Variants in DOK5 observed in about 807,000 individuals in gnomAD.
The protein encoded by DOK5 is downstream of tyrosine kinase 5.
A neutral mutation model predicts 43.3 loss-of-function variants in DOK5; 27 were observed. That is an observed-to-expected ratio of 0.62 (90% confidence interval 0.46 to 0.86). The LOEUF (loss-of-function observed/expected upper bound fraction) is 0.86, where lower values mean the gene tolerates loss of function less well. Among genes scored for constraint, DOK5 ranks in the 40% least tolerant of loss-of-function variants. DOK5 has a pLI of 0.00. For missense variants in DOK5, 373 were observed against 392.9 expected, an observed-to-expected ratio of 0.95 and a Z score of 0.43; for synonymous variants, 146 against 140.1, an observed-to-expected ratio of 1.04 and a Z score of -0.30.
At position 54,650,528 on chromosome 20, in the gene DOK5, A is replaced by T. The variant is rs763393546; in HGVS notation, c.*49A>T. On this transcript the variant is annotated 3_prime_UTR_variant, in exon 8 of 8. Transcript: ENST00000262593. ...CACACTTGTGATGTGTCAGCCACAG[A>T]TTCACCCAGGAGGTCACAGAATGAC... is the stretch of plus-strand genomic sequence containing the variant. The T allele has an allele frequency of 6.4e-7, 1 of 1,573,354 alleles. No homozygotes were observed. Among genetic ancestry groups the T allele is most frequent in the East Asian group, 2.2e-5 (1 of 44,532 alleles).
At chr20:54,518,623 C>G (rs1176439039) in intron 1 of DOK5, among the ~76,000 whole-genome samples, 5 of 152,120 alleles carry the variant, frequency 3.3e-5, no homozygotes, top group Non-Finnish European at 7.3e-5. Context: ...GCTTTATAAT[C>G]CTTTGGGTAT....
chr20:54,566,105 C>T (rs1985089319), intron 2 of DOK5, among the ~76,000 whole-genome samples: 1 of 151,274 alleles, frequency 6.6e-6, no homozygotes, highest in Admixed American at 6.6e-5. Context: ...GTCCTCCCAC[C>T]CCACCACCCC....
chr20:54,527,515 T>C (rs1410297425), intron 1 of DOK5, among the ~76,000 whole-genome samples: 2 of 152,202 alleles, frequency 1.3e-5, no homozygotes, highest in African/African-American at 2.4e-5. Context: ...AGGTGATACA[T>C]GCTTCAGTTC....
intron 2 of DOK5, among the ~76,000 whole-genome samples, chr20:54,585,098 A>G (rs1248806739): frequency 2.0e-5 from 3 of 152,090 alleles, no homozygotes; most frequent in African/African-American, 7.2e-5. Context: ...GTATTGAGGA[A>G]GTTTCCATTA....
intron 6 of DOK5, among the ~76,000 whole-genome samples, chr20:54,619,824 G>A (rs903487483): frequency 2.0e-5 from 3 of 152,192 alleles, no homozygotes; most frequent in African/African-American, 7.2e-5. Flanking sequence ...AACGCAATAT[G>A]CTACACATTT....
intron 1 of DOK5, among the ~76,000 whole-genome samples, chr20:54,481,891 G>C (rs934833936): frequency 6.6e-6 from 1 of 152,178 alleles, no homozygotes; most frequent in African/African-American, 2.4e-5. Flanking sequence ...ATCATAAAGA[G>C]CTTAACACAG....
intron 4 of DOK5, among the ~76,000 whole-genome samples, chr20:54,589,051 T>A (rs979307324): frequency 6.6e-6 from 1 of 152,232 alleles, no homozygotes; most frequent in Non-Finnish European, 1.5e-5. Flanking sequence ...GGGAACCTGC[T>A]ATGTGCCAGT....
intron 1 of DOK5, among the ~76,000 whole-genome samples, chr20:54,521,186 C>CT (rs1022011743): frequency 3.9e-5 from 6 of 152,134 alleles, no homozygotes; most frequent in African/African-American, 1.4e-4. Context: ...CTGTGGTATC[C>CT]TTTTTTTAAT....
At chr20:54,555,275 C>T (rs1005913273) in intron 2 of DOK5, 10 of 455,698 alleles carry the variant, frequency 2.2e-5, no homozygotes, top group African/African-American at 1.8e-4. Flanking sequence ...TTTCCAGTCT[C>T]TGCTATGGGA....
chr20:54,629,863 C>T (rs1978481383), intron 6 of DOK5, among the ~76,000 whole-genome samples: 1 of 152,210 alleles, frequency 6.6e-6, no homozygotes, highest in African/African-American at 2.4e-5. Flanking sequence ...AGTGCCAAAG[C>T]CCTGAGGCAG....
Position 54,475,923 on chromosome 20 carries a change from AGGG to A in DOK5, c.-19_-17del. 6.2e-7 allele frequency: 1 copy of A among 1,612,126 alleles called. No individual in the cohort carries two copies. Among genetic ancestry groups the A allele is most frequent in the Non-Finnish European group, 8.5e-7 (1 of 1,179,652 alleles). ...ACTTCGGGTGCGCGCTCTTGGGTAA[AGGG>A]GGGGTCACCGGCTGTCTGGGATGGC... is the stretch of plus-strand genomic sequence containing the variant. On this transcript the variant is annotated 5_prime_UTR_variant, in exon 1 of 8. Coordinates refer to ENST00000262593, the MANE Select transcript of DOK5 (RefSeq NM_018431.5). This position sits in a 1 kb window ranked among gnomAD's most constrained non-coding sequence, Gnocchi z 4.2.
At chr20:54,484,766 G>C (rs1981862587) in intron 1 of DOK5, among the ~76,000 whole-genome samples, 1 of 152,056 alleles carries the variant, frequency 6.6e-6, no homozygotes, top group Admixed American at 6.5e-5. Flanking sequence ...GTCATCCCAG[G>C]ACTTTGGGAG....
chr20:54,644,723 A>AAAACAAAAAAAAAAAC (rs1555839841), intron 7 of DOK5, among the ~76,000 whole-genome samples: 2 of 142,404 alleles, frequency 1.4e-5, no homozygotes, highest in African/African-American at 5.7e-5. Flanking sequence ...AAAAAAAAAA[A>AAAACAAAAAAAAAAAC]ACAAAATTTA....
At chr20:54,497,474 G>A (rs1982445296) in intron 1 of DOK5, among the ~76,000 whole-genome samples, 1 of 152,204 alleles carries the variant, frequency 6.6e-6, no homozygotes, top group African/African-American at 2.4e-5. Context: ...AAATGGAGGA[G>A]TGGAAGGTTA....
intron 1 of DOK5, among the ~76,000 whole-genome samples, chr20:54,511,940 A>G (rs1983029667): frequency 6.6e-6 from 1 of 152,190 alleles, no homozygotes; most frequent in African/African-American, 2.4e-5. Context: ...TCCACCATTG[A>G]ATGAATCTTG....
chr20:54,619,856 C>G (rs937633462), intron 6 of DOK5, among the ~76,000 whole-genome samples: 8 of 152,274 alleles, frequency 5.3e-5, no homozygotes, highest in African/African-American at 1.7e-4. Flanking sequence ...ATATAGAAGG[C>G]ATCAAAGAAA....
chr20:54,555,141 C>T, intron 2 of DOK5, 101 bp downstream of exon 2: 1 of 756,724 alleles, frequency 1.3e-6, no homozygotes, highest in Non-Finnish European at 2.3e-6. Flanking sequence ...AAGGTACAAG[C>T]AATATCTTTT....
chr20:54,510,491 G>A (rs767063626), intron 1 of DOK5, among the ~76,000 whole-genome samples: 10 of 152,104 alleles, frequency 6.6e-5, no homozygotes, highest in Non-Finnish European at 1.5e-4. Flanking sequence ...TTAAACCACA[G>A]CCAGGCATGT....
intron 5 of DOK5, among the ~76,000 whole-genome samples, chr20:54,596,961 T>C (rs1389806141): frequency 2.6e-5 from 4 of 152,142 alleles, no homozygotes; most frequent in Admixed American, 6.5e-5. Flanking sequence ...GAGAGATATA[T>C]TACTACTCTC....
Sources: allele counts gnomAD v4.1 joint callset (sites outside exome capture counted in the v4.1 genomes callset), GRCh38; gene constraint gnomAD v4.1.1; non-coding constraint Gnocchi (gnomAD v3.1); transcripts MANE v1.5; gene names NCBI Gene and HGNC (gene_info 2026-07-23, HGNC 2026-07-21).